The following SOX5 variants were observed in gnomAD, a reference collection of about 807,000 sequenced individuals.
SOX5 encodes SRY-box transcription factor 5, also known as transcription factor SOX-5.
A neutral mutation model predicts 92.0 loss-of-function variants in SOX5; 9 were observed. That is an observed-to-expected ratio of 0.10 (90% CI 0.06 to 0.17). SOX5 has a LOEUF of 0.17. Among genes scored for constraint, SOX5 ranks in the 10% least tolerant of loss-of-function variants. SOX5 has a pLI of 1.00. For missense variants in SOX5, 642 were observed against 944.5 expected (o/e 0.68, Z 4.20); for synonymous variants, 344 against 336.3 (o/e 1.02, Z -0.25).
At chr12:23,545,338 C>T (rs75053918) in intron 12 of SOX5, among the ~76,000 whole-genome samples, 5 of 152,246 alleles carry the variant, frequency 3.3e-5, no homozygotes, top group Non-Finnish European at 5.9e-5. Context: ...TGCATGGATG[C>T]CACCTGACAG....
intron 4 of SOX5, among the ~76,000 whole-genome samples, chr12:24,037,595 A>T (rs931802706): frequency 2.6e-5 from 4 of 152,214 alleles, no homozygotes; most frequent in South Asian, 4.1e-4. Flanking sequence ...ATGCACTAAG[A>T]AGTATACAGT....
intron 4 of SOX5, among the ~76,000 whole-genome samples, chr12:24,055,530 C>T (rs994090119): frequency 6.6e-6 from 1 of 152,180 alleles, no homozygotes; most frequent in African/African-American, 2.4e-5. Flanking sequence ...TTTTCTGCAT[C>T]GTGTTTTCCC....
intron 4 of SOX5, among the ~76,000 whole-genome samples, chr12:24,192,424 T>C (rs1456920098): frequency 2.0e-5 from 3 of 152,224 alleles, no homozygotes; most frequent in Middle Eastern, 3.4e-3. Flanking sequence ...CAGTGTGTTT[T>C]CTGAACCAGA....
At chr12:24,302,174 T>C (rs1047635356) in intron 2 of SOX5, among the ~76,000 whole-genome samples, 5 of 152,198 alleles carry the variant, frequency 3.3e-5, no homozygotes, top group African/African-American at 9.6e-5. Context: ...TCATAAAATA[T>C]CTCCTAAAGA....
chr12:24,166,773 C>T (rs1269730843), intron 4 of SOX5, among the ~76,000 whole-genome samples: 1 of 152,136 alleles, frequency 6.6e-6, no homozygotes, highest in Non-Finnish European at 1.5e-5. Flanking sequence ...TGTTTGCATG[C>T]TCTTTGTTTA....
chr12:23,553,548 A>G lies in SOX5; in HGVS notation c.1489-7124T>C, dbSNP rs73273847. ...TGTGGAAGAAGGGAGGCAGGAGGGG[A>G]AAAAAACAAAACCTGGGATTTTAAA... On this transcript the variant is annotated intron_variant, in intron 11 of 14. Coordinates refer to ENST00000451604, the MANE Select transcript of SOX5 (RefSeq NM_006940.6). Among the ~76,000 whole-genome samples, 1,410 of 152,070 alleles carry G rather than the reference A, an allele frequency of 9.3e-3. 28 individuals are homozygous for G. Among genetic ancestry groups the G allele is most frequent in the African/African-American group, 0.032 (1,320 of 41,496 alleles).
chr12:24,348,978 G>C (rs1392672479), intron 2 of SOX5, among the ~76,000 whole-genome samples: 1 of 152,188 alleles, frequency 6.6e-6, no homozygotes, highest in Non-Finnish European at 1.5e-5. Context: ...GGAACTGTGA[G>C]TCCATTAAAC....
chr12:23,849,366 G>A (rs951772470), intron 2 of SOX5, among the ~76,000 whole-genome samples: 6 of 152,150 alleles, frequency 3.9e-5, no homozygotes, highest in African/African-American at 7.2e-5. Context: ...TAGGCACTGC[G>A]TAAAGTGCTT....
intron 3 of SOX5, among the ~76,000 whole-genome samples, chr12:23,810,521 C>T (rs7308759): frequency 0.45 from 68,524 of 151,878 alleles, 15,844 homozygotes; most frequent in East Asian, 0.84. Flanking sequence ...TTTAAATGCA[C>T]TGAAATCAAA....
chr12:23,943,569 C>A (rs1272964243), intron 1 of SOX5, among the ~76,000 whole-genome samples: 1 of 151,958 alleles, frequency 6.6e-6, no homozygotes, highest in Non-Finnish European at 1.5e-5. Flanking sequence ...AAGAAATAAG[C>A]AACACTTAGA....
chr12:23,804,769 T>C (rs2095728537), intron 3 of SOX5, among the ~76,000 whole-genome samples: 1 of 151,674 alleles, frequency 6.6e-6, no homozygotes, highest in African/African-American at 2.4e-5. Flanking sequence ...GATGACTAAT[T>C]TGAATACCGT....
At chr12:24,533,799 G>A (rs1366536734) in intron 1 of SOX5, among the ~76,000 whole-genome samples, 1 of 152,088 alleles carries the variant, frequency 6.6e-6, no homozygotes, top group East Asian at 1.9e-4. Flanking sequence ...ATGTATTAAG[G>A]ATAATACAGA....
chr12:23,779,551 C>T (rs1331065728), intron 3 of SOX5, among the ~76,000 whole-genome samples: 1 of 151,316 alleles, frequency 6.6e-6, no homozygotes, highest in Non-Finnish European at 1.5e-5. Context: ...TTTTAATATG[C>T]ACACCTATAA....
At chr12:24,289,747 G>A (rs1480743281) in intron 2 of SOX5, among the ~76,000 whole-genome samples, 4 of 151,964 alleles carry the variant, frequency 2.6e-5, no homozygotes, top group Non-Finnish European at 5.9e-5. Flanking sequence ...GAGCCACCGC[G>A]CCCGGCCGGA....
At chr12:24,352,805 C>T (rs73289726) in intron 2 of SOX5, among the ~76,000 whole-genome samples, 1 of 152,166 alleles carries the variant, frequency 6.6e-6, no homozygotes, top group Non-Finnish European at 1.5e-5. Flanking sequence ...CAAACAGCTG[C>T]CCCTTGGCCA....
chr12:24,074,630 C>CAAAAAAAAAAAAAAAAAAAAA (rs76320418), intron 4 of SOX5, among the ~76,000 whole-genome samples: 5 of 51,274 alleles, frequency 9.8e-5, no homozygotes, highest in South Asian at 1.0e-3. Flanking sequence ...TGTAAACTAC[C>CAAAAAAAAAAAAAAAAAAAAA]AAAAAAAAAA....
At chr12:24,373,376 A>G (rs1956938139) in intron 1 of SOX5, among the ~76,000 whole-genome samples, 2 of 152,328 alleles carry the variant, frequency 1.3e-5, no homozygotes, top group African/African-American at 4.8e-5. Context: ...GACCTTCAAG[A>G]TAAAGTCATT....
intron 6 of SOX5, among the ~76,000 whole-genome samples, chr12:23,690,496 C>T (rs577443322): frequency 1.4e-4 from 22 of 152,320 alleles, no homozygotes; most frequent in African/African-American, 5.3e-4. Flanking sequence ...AATAAATCCT[C>T]TACTCTTCAT....
chr12:24,458,755 C>T (rs1442891531), intron 1 of SOX5, among the ~76,000 whole-genome samples: 1 of 152,104 alleles, frequency 6.6e-6, no homozygotes. Flanking sequence ...ACAACATCTC[C>T]GGGTGATTCA....
Sources: gnomAD v4.1 joint callset for allele counts (sites outside exome capture counted in the v4.1 genomes callset) on GRCh38, gnomAD v4.1.1 for gene constraint, MANE v1.5 for transcripts, NCBI Gene and HGNC (gene_info 2026-07-23, HGNC 2026-07-21) for gene names.